The following EGF variants were observed in gnomAD, a reference collection of about 807,000 sequenced individuals.
EGF encodes the protein pro-epidermal growth factor.
Under a neutral mutation model 143.8 loss-of-function variants are expected in EGF, and 95 were observed. That is an observed-to-expected ratio of 0.66 (90% CI 0.56 to 0.78). EGF has a LOEUF of 0.78. Ranked by LOEUF, EGF falls within the 30% of genes least tolerant of loss-of-function variation. The pLI is 0.00. For synonymous variants in EGF, 510 were observed against 510.5 expected (o/e 1.00, Z 0.01); for missense variants, 1,320 against 1,470.9 (o/e 0.90, Z 1.68).
chr4:109,926,178 C>T (rs1181408611), intron 1 of EGF, among the ~76,000 whole-genome samples: 2 of 152,094 alleles, frequency 1.3e-5, no homozygotes, highest in South Asian at 4.2e-4. Context: ...CATAGGAGAC[C>T]CTATCTCTAC....
chr4:110,001,954 T>C (rs1374146611), intron 21 of EGF: 5 of 985,318 alleles, frequency 5.1e-6, no homozygotes, highest in African/African-American at 1.7e-5. Context: ...TTCAGCTATG[T>C]GCATAACTAC....
chr4:109,973,146 G>A (rs974154708), intron 11 of EGF, among the ~76,000 whole-genome samples: 7 of 152,146 alleles, frequency 4.6e-5, no homozygotes, highest in South Asian at 2.1e-4. Context: ...GCTGCTGATC[G>A]TCCCTTGTTT....
intron 14 of EGF, chr4:109,980,570 T>C (rs1465705800): frequency 5.7e-6 from 3 of 527,140 alleles, no homozygotes; most frequent in African/African-American, 1.9e-5. Flanking sequence ...AGAATCACAT[T>C]TGACTAAAGA....
Position 110,012,005 on chromosome 4 carries a change from T to C in EGF, c.*550T>C, listed in dbSNP as rs1482656457. ...TCAATGAAAAATGTAATTTAGAAAC[T>C]GATTTCTTCAGAATTAGATGGCTTA... is the stretch of plus-strand genomic sequence containing the variant. On this transcript the variant is annotated 3_prime_UTR_variant, in exon 24 of 24. Transcript: ENST00000265171. 3 of 153,276 alleles carry C rather than the reference T, an allele frequency of 2.0e-5. No homozygotes were observed. Among genetic ancestry groups the C allele is most frequent in the Non-Finnish European group, 4.4e-5 (3 of 68,782 alleles). The allele number at this position is 153,276 out of a possible 1,614,324, so 9.5% of individuals were successfully genotyped here. A position where few individuals can be genotyped will look rare whatever the true frequency, so the allele number is the denominator to read the frequency against.
chr4:109,970,418 T>A (rs1231242484), intron 11 of EGF, among the ~76,000 whole-genome samples: 2 of 152,068 alleles, frequency 1.3e-5, no homozygotes, highest in Non-Finnish European at 2.9e-5. Flanking sequence ...GAAGGGAGAA[T>A]GAGGGTTTAA....
At chr4:109,984,178 T>A (rs565837389) in intron 16 of EGF, among the ~76,000 whole-genome samples, 43 of 152,076 alleles carry the variant, frequency 2.8e-4, no homozygotes, top group African/African-American at 9.9e-4. Flanking sequence ...CTTCAAGCAG[T>A]GCAATTTGAC....
intron 6 of EGF, among the ~76,000 whole-genome samples, chr4:109,960,351 A>C (rs1745487245): frequency 6.6e-6 from 1 of 152,176 alleles, no homozygotes; most frequent in Non-Finnish European, 1.5e-5. Context: ...CTGTATTTGA[A>C]AGTATAAGCT....
intron 11 of EGF, among the ~76,000 whole-genome samples, chr4:109,969,736 A>G (rs184715687): frequency 3.3e-5 from 5 of 152,292 alleles, no homozygotes; most frequent in Admixed American, 2.0e-4. Context: ...CCGAAGTCAC[A>G]TGGGAGATAC....
chr4:109,968,856 C>G (rs1747090987), intron 10 of EGF, 115 bp from the exon 11 acceptor site: 7 of 1,394,888 alleles, frequency 5.0e-6, no homozygotes, highest in Non-Finnish European at 7.0e-6. Flanking sequence ...GCAGGTGTGC[C>G]TATCTCCAAA....
At chr4:109,974,146 T>C (rs1296896933) in intron 11 of EGF, among the ~76,000 whole-genome samples, 1 of 152,206 alleles carries the variant, frequency 6.6e-6, no homozygotes, top group Non-Finnish European at 1.5e-5. Context: ...TGTATCCAAA[T>C]ACTGTGCCAT....
intron 13 of EGF, chr4:109,977,615 G>T: frequency 6.6e-6 from 1 of 151,720 alleles, no homozygotes; most frequent in South Asian, 2.1e-4. Context: ...AAGGTGGGAG[G>T]ATCACTAGAG....
chr4:109,965,750 C>T (rs768753683), intron 10 of EGF, among the ~76,000 whole-genome samples: 8 of 152,100 alleles, frequency 5.3e-5, no homozygotes, highest in African/African-American at 9.7e-5. Flanking sequence ...CCAGGTTCCA[C>T]CCCTGACCAC....
chr4:109,968,498 C>G (rs1746970406), intron 10 of EGF, among the ~76,000 whole-genome samples: 1 of 152,080 alleles, frequency 6.6e-6, no homozygotes. Context: ...ATGGCTACGT[C>G]ATTGACCAAT....
chr4:110,008,042 C>A, intron 22 of EGF, 110 bp from the exon 23 acceptor site: 1 of 1,026,904 alleles, frequency 9.7e-7, no homozygotes, highest in South Asian at 1.3e-5. Flanking sequence ...TTCTGACTTT[C>A]ACTTTCCATA....
Position 109,969,002 on chromosome 4 carries a change from T to C in EGF, c.1607T>C (p.Ile536Thr). The change falls in exon 11 of 24, where the codon ATA becomes ACA. Residue 536 changes from isoleucine (I) to threonine (T), a missense_variant. By Grantham distance (89) the Ile-to-Thr change is moderately conservative (BLOSUM62 -1). This residue lies in a region of EGF where 1,186 missense variants were observed against 1,313.7 expected (regional missense o/e 0.90). Coordinates refer to ENST00000265171, the MANE Select transcript of EGF (RefSeq NM_001963.6). ...TTTGCCCATACAGCCCTGAAGTGGA[T>C]AGAGAGAGCTAATATGGATGGTTCC... ...IYFAHTALKW[I>T]ERANMDGSQR... 6.2e-7 allele frequency: 1 copy of C among 1,614,100 alleles called. No individual in the cohort carries two copies. The highest frequency in any genetic ancestry group is 8.5e-7 in the Non-Finnish European group (1 of 1,179,986).
At chr4:109,989,873 C>G (rs1416548850) in intron 18 of EGF, among the ~76,000 whole-genome samples, 1 of 152,130 alleles carries the variant, frequency 6.6e-6, no homozygotes, top group East Asian at 1.9e-4. Flanking sequence ...TCCTCAAACT[C>G]CATGAAAGCA....
chr4:109,940,982 G>A lies in EGF; in HGVS notation c.164G>A (p.Ser55Asn), dbSNP rs1300064970. Reference protein sequence around the residue: ...APFLIFSHGNSIFRIDTEGTN... With the variant: ...APFLIFSHGNNIFRIDTEGTN... ...TTCTTAATTTTCTCCCATGGAAATA[G>A]TATCTTTAGGATTGACACAGAAGGA... The change falls in exon 2 of 24, where the codon AGT becomes AAT. Residue 55 changes from serine (S) to asparagine (N), a missense_variant. Physicochemically the swap from Ser to Asn is conservative, Grantham distance 46. This residue lies in a region of EGF where 79 missense variants were observed against 71.2 expected (regional missense o/e 1.11). Transcript: ENST00000265171. 4 of 1,613,948 alleles carry A rather than the reference G, an allele frequency of 2.5e-6. No homozygotes were observed. The highest frequency in any genetic ancestry group is 2.7e-5 in the African/African-American group (2 of 74,910).
chr4:109,930,994 T>G (rs1402505737), intron 1 of EGF, among the ~76,000 whole-genome samples: 1 of 152,240 alleles, frequency 6.6e-6, no homozygotes, highest in Non-Finnish European at 1.5e-5. Flanking sequence ...TTTCATTTTG[T>G]ATGTACTTCC....
chr4:109,954,037 T>A (rs1050590617), intron 5 of EGF, among the ~76,000 whole-genome samples: 6 of 152,144 alleles, frequency 3.9e-5, no homozygotes, highest in Admixed American at 2.6e-4. Context: ...TTCTAAGAGT[T>A]AAAAGCATTT....
Sources: allele counts gnomAD v4.1 joint callset (sites outside exome capture counted in the v4.1 genomes callset), GRCh38; gene constraint gnomAD v4.1.1; regional missense constraint gnomAD v4.1.1; transcripts MANE v1.5; gene names NCBI Gene and HGNC (gene_info 2026-07-23, HGNC 2026-07-21).